The following MCTP1 variants were observed in gnomAD, a reference collection of about 807,000 sequenced individuals.
The protein encoded by MCTP1 is multiple C2 and transmembrane domain containing 1.
MCTP1 carries 69 observed loss-of-function variants against 120.6 expected under a neutral mutation model. The ratio of observed to expected loss-of-function variants is 0.57; its 90% CI spans 0.47 to 0.70. The LOEUF (loss-of-function observed/expected upper bound fraction) is 0.70, where lower values mean the gene tolerates loss of function less well. Among genes scored for constraint, MCTP1 ranks in the 30% least tolerant of loss-of-function variants. MCTP1 has a pLI of 0.00. For synonymous variants in MCTP1, 529 were observed against 493.1 expected (o/e 1.07, Z -0.96); for missense variants, 1,203 against 1,248.8 (o/e 0.96, Z 0.55).
At chr5:94,989,533 C>T (rs1052772097) in intron 2 of MCTP1, among the ~76,000 whole-genome samples, 15 of 152,140 alleles carry the variant, frequency 9.9e-5, no homozygotes, top group Admixed American at 1.3e-4. Context: ...ATAGAAGCAT[C>T]TTTTGTTACA....
chr5:95,169,816 A>G (rs1284715332), intron 1 of MCTP1, among the ~76,000 whole-genome samples: 1 of 152,016 alleles, frequency 6.6e-6, no homozygotes, highest in East Asian at 1.9e-4. Flanking sequence ...CTAGCAGTCT[A>G]CCTGTTTTGT....
intron 1 of MCTP1, among the ~76,000 whole-genome samples, chr5:95,044,498 G>A (rs1196940805): frequency 2.0e-5 from 3 of 152,096 alleles, no homozygotes; most frequent in Non-Finnish European, 4.4e-5. Context: ...AATTTCCAGA[G>A]CTTTAGGTAG....
rs1726605675 is a variant in MCTP1, at chr5:94,704,342, A to G, written c.*3154T>C. Reference sequence around the variant, plus strand: ...ACTTGTATTTCTGGAGCAAAAAGGTATAACTGCCTTATACCTTTTTGTTTG... The same window carrying G: ...ACTTGTATTTCTGGAGCAAAAAGGTGTAACTGCCTTATACCTTTTTGTTTG... On this transcript the variant is annotated 3_prime_UTR_variant, in exon 23 of 23. Transcript: ENST00000515393. 6.6e-6 allele frequency: 1 copy of G among 151,612 alleles called. No individual in the cohort carries two copies. The highest frequency in any genetic ancestry group is 1.5e-5 in the Non-Finnish European group (1 of 67,676). The allele number at this position is 151,612 out of a possible 1,614,324, so 9.4% of individuals were successfully genotyped here. A position where few individuals can be genotyped will look rare whatever the true frequency, so the allele number is the denominator to read the frequency against.
chr5:94,884,893 T>G (rs1332114406), intron 12 of MCTP1, among the ~76,000 whole-genome samples: 1 of 152,152 alleles, frequency 6.6e-6, no homozygotes, highest in Non-Finnish European at 1.5e-5. Context: ...AAGAAAAACA[T>G]GGGAAAAGTC....
At chr5:94,924,764 A>T (rs1005834461) in intron 6 of MCTP1, among the ~76,000 whole-genome samples, 1 of 152,218 alleles carries the variant, frequency 6.6e-6, no homozygotes, top group East Asian at 1.9e-4. Flanking sequence ...TCTAGGTGTC[A>T]GTTATGATAA....
intron 1 of MCTP1, among the ~76,000 whole-genome samples, chr5:95,194,949 C>A (rs76504988): frequency 4.9e-4 from 74 of 152,262 alleles, no homozygotes; most frequent in Middle Eastern, 3.4e-3. Context: ...GAGACCTTGG[C>A]AATAAGAAAC....
At chr5:95,104,153 C>A (rs187400918) in intron 1 of MCTP1, among the ~76,000 whole-genome samples, 2 of 152,218 alleles carry the variant, frequency 1.3e-5, no homozygotes, top group South Asian at 2.1e-4. Flanking sequence ...AAATCATAAG[C>A]ACGGCATATT....
intron 1 of MCTP1, among the ~76,000 whole-genome samples, chr5:95,243,156 T>C (rs1756360694): frequency 6.6e-6 from 1 of 151,976 alleles, no homozygotes; most frequent in African/African-American, 2.4e-5. Flanking sequence ...ACTACGAAAG[T>C]AACGGATAAG....
rs984376343 is a variant in MCTP1, at chr5:94,871,114, C to T, written c.2140-141G>A. ...AATTCTGACAAGTACCTGTTCATTACCAGGATCAAGTCTGTCAGGAAAAAT... is the reference window on the plus strand; with the variant it reads ...AATTCTGACAAGTACCTGTTCATTATCAGGATCAAGTCTGTCAGGAAAAAT... On this transcript the variant is annotated intron_variant, in intron 14 of 22. Coordinates refer to ENST00000515393, the MANE Select transcript of MCTP1 (RefSeq NM_024717.7). The T allele has an allele frequency of 6.8e-6, 5 of 737,088 alleles. No homozygotes were observed. The African/African-American group carries it at 8.9e-5, about 13-fold the overall frequency. 45.7% of individuals were successfully genotyped at this position (737,088 alleles called of 1,614,324 possible). A position where few individuals can be genotyped will look rare whatever the true frequency, so the allele number is the denominator to read the frequency against.
At chr5:95,131,168 C>G (rs1759016368) in intron 1 of MCTP1, among the ~76,000 whole-genome samples, 1 of 152,140 alleles carries the variant, frequency 6.6e-6, no homozygotes, top group Non-Finnish European at 1.5e-5. Flanking sequence ...TTTTCCAGAT[C>G]TCAATGTTGT....
chr5:95,111,848 T>TGTAATGTCTCTCCCTTTATTCTCTGAA (rs1757478879), intron 1 of MCTP1, among the ~76,000 whole-genome samples: 3 of 151,956 alleles, frequency 2.0e-5, no homozygotes, highest in Non-Finnish European at 4.4e-5. Context: ...TTTTCTCTGA[T>TGTAATGTCTCTCCCTTTATTCTCTGAA]GGATGTAATG....
chr5:95,275,805 C>CT (rs1759780722), intron 1 of MCTP1, among the ~76,000 whole-genome samples: 1 of 151,920 alleles, frequency 6.6e-6, no homozygotes, highest in Admixed American at 6.5e-5. Context: ...AACAGCACAT[C>CT]TCTGGATGCT....
intron 2 of MCTP1, among the ~76,000 whole-genome samples, chr5:94,955,033 G>A (rs1039769620): frequency 5.3e-5 from 8 of 152,156 alleles, no homozygotes; most frequent in Non-Finnish European, 1.2e-4. Flanking sequence ...TGCAGAAGGC[G>A]GGTGATTTCT....
At chr5:95,254,759 G>GAGAACT (rs1340517514) in intron 1 of MCTP1, among the ~76,000 whole-genome samples, 9 of 152,160 alleles carry the variant, frequency 5.9e-5, no homozygotes, top group Non-Finnish European at 1.2e-4. Flanking sequence ...AGGCAGAAGA[G>GAGAACT]AGAACTTCCG....
At chr5:94,868,142 A>T (rs374856364) in intron 17 of MCTP1, 191 bp downstream of exon 17, 1 of 413,100 alleles carries the variant, frequency 2.4e-6, no homozygotes, top group East Asian at 3.8e-5. Context: ...GAGGGGGGAA[A>T]ATGTATTCTT....
At chr5:94,839,050 C>T (rs772617957) in intron 17 of MCTP1, among the ~76,000 whole-genome samples, 14 of 152,256 alleles carry the variant, frequency 9.2e-5, no homozygotes, top group African/African-American at 1.7e-4. Flanking sequence ...TGAATATCTA[C>T]GCTTTTTTGC....
intron 2 of MCTP1, among the ~76,000 whole-genome samples, chr5:94,983,066 C>A (rs1447292325): frequency 6.6e-6 from 1 of 151,880 alleles, no homozygotes; most frequent in Non-Finnish European, 1.5e-5. Flanking sequence ...ATGTAAAGTA[C>A]CTTGGACTGT....
chr5:94,779,648 G>C (rs1776164289), intron 18 of MCTP1, among the ~76,000 whole-genome samples: 1 of 152,004 alleles, frequency 6.6e-6, no homozygotes, highest in Admixed American at 6.6e-5. Flanking sequence ...CATATTTTAT[G>C]GCCCAAATTT....
intron 18 of MCTP1, among the ~76,000 whole-genome samples, chr5:94,795,458 C>T (rs1231631201): frequency 6.6e-6 from 1 of 152,206 alleles, no homozygotes; most frequent in Non-Finnish European, 1.5e-5. Flanking sequence ...TACTCTTCCA[C>T]TTTCAAAATG....
Sources: allele counts gnomAD v4.1 joint callset (sites outside exome capture counted in the v4.1 genomes callset), GRCh38; gene constraint gnomAD v4.1.1; transcripts MANE v1.5; gene names NCBI Gene and HGNC (gene_info 2026-07-23, HGNC 2026-07-21).